The following PLXDC2 variants were observed in gnomAD, a reference collection of about 807,000 sequenced individuals.
The protein encoded by PLXDC2 is plexin domain-containing protein 2.
Under a neutral mutation model 68.9 loss-of-function variants are expected in PLXDC2, and 40 were observed. The observed-to-expected ratio is 0.58, with a 90% CI of 0.45 to 0.76. The LOEUF is 0.76. PLXDC2 is among the 30% of genes least tolerant of loss of function. The pLI is 0.00. For synonymous variants in PLXDC2, 243 were observed against 234.2 expected, an observed-to-expected ratio of 1.04 and a Z score of -0.34; for missense variants, 644 against 661.9, an observed-to-expected ratio of 0.97 and a Z score of 0.30.
At chr10:19,855,862 G>T (rs2131330422) in intron 1 of PLXDC2, among the ~76,000 whole-genome samples, 1 of 152,288 alleles carries the variant, frequency 6.6e-6, no homozygotes, top group South Asian at 2.1e-4. Flanking sequence ...AAGGCAGGCA[G>T]ATCATGAAGT....
intron 1 of PLXDC2, among the ~76,000 whole-genome samples, chr10:19,957,905 T>A (rs1834096858): frequency 6.6e-6 from 1 of 152,140 alleles, no homozygotes; most frequent in Non-Finnish European, 1.5e-5. Context: ...GTTTCAGTTT[T>A]ATGCAGTCTA....
At chr10:20,172,177 G>C (rs187077922) in intron 7 of PLXDC2, among the ~76,000 whole-genome samples, 1 of 141,164 alleles carries the variant, frequency 7.1e-6, no homozygotes, top group East Asian at 2.2e-4. Context: ...TGTTTTCTGA[G>C]ACCCAACACA....
chr10:19,915,527 T>C (rs1405635337), intron 1 of PLXDC2, among the ~76,000 whole-genome samples: 1 of 152,144 alleles, frequency 6.6e-6, no homozygotes, highest in African/African-American at 2.4e-5. Context: ...AGAAAATGAG[T>C]AGTGTATTTT....
chr10:19,938,519 G>A (rs933758816), intron 1 of PLXDC2, among the ~76,000 whole-genome samples: 1 of 152,124 alleles, frequency 6.6e-6, no homozygotes, highest in Admixed American at 6.6e-5. Flanking sequence ...TTGGCGGGGG[G>A]CTATACAATT....
intron 12 of PLXDC2, among the ~76,000 whole-genome samples, chr10:20,242,127 A>G (rs1402845193): frequency 6.6e-6 from 1 of 152,212 alleles, no homozygotes; most frequent in Non-Finnish European, 1.5e-5. Flanking sequence ...CCACATTTTC[A>G]ATTAATCCTA....
chr10:19,836,505 G>A (rs1452507177), intron 1 of PLXDC2, among the ~76,000 whole-genome samples: 4 of 152,146 alleles, frequency 2.6e-5, no homozygotes, highest in South Asian at 4.1e-4. Context: ...ATGATATCAC[G>A]TTTTATGTAA....
In PLXDC2 at chr10:20,280,110, T is replaced by C; in HGVS notation, c.*291T>C. On this transcript the variant is annotated 3_prime_UTR_variant, in exon 14 of 14. Coordinates refer to ENST00000377252, the MANE Select transcript of PLXDC2 (RefSeq NM_032812.9). ...ACTTATCTGAAGTATGACAAGATTATAATGCTTTTGGCTTAGGTGCAGGGT... is the reference window on the plus strand; with the variant it reads ...ACTTATCTGAAGTATGACAAGATTACAATGCTTTTGGCTTAGGTGCAGGGT... The C allele has an allele frequency of 3.5e-6, 1 of 286,596 alleles. No homozygotes were observed. 17.8% of individuals were successfully genotyped at this position (286,596 alleles called of 1,614,324 possible).
At chr10:20,152,226 G>T (rs1261378285) in intron 6 of PLXDC2, among the ~76,000 whole-genome samples, 1 of 152,058 alleles carries the variant, frequency 6.6e-6, no homozygotes, top group Non-Finnish European at 1.5e-5. Flanking sequence ...TAACAATCTT[G>T]CTTATAGTGG....
At chr10:19,945,839 T>C (rs1833892286) in intron 1 of PLXDC2, among the ~76,000 whole-genome samples, 1 of 152,184 alleles carries the variant, frequency 6.6e-6, no homozygotes, top group Admixed American at 6.5e-5. Flanking sequence ...CCCAGTTCAC[T>C]CCAATCAGAT....
chr10:20,270,081 G>A (rs983429268), intron 13 of PLXDC2, among the ~76,000 whole-genome samples: 11 of 152,014 alleles, frequency 7.2e-5, no homozygotes, highest in Non-Finnish European at 8.8e-5. Flanking sequence ...TAAAATGGTT[G>A]TGGGGAAGGA....
intron 1 of PLXDC2, among the ~76,000 whole-genome samples, chr10:19,942,629 T>G (rs908880038): frequency 7.9e-5 from 12 of 152,166 alleles, no homozygotes; most frequent in Non-Finnish European, 1.5e-4. Context: ...CCGGGCATGG[T>G]GGCGTGTGCC....
At chr10:20,140,067 G>A (rs60480378) in intron 4 of PLXDC2, among the ~76,000 whole-genome samples, 2,797 of 152,192 alleles carry the variant, frequency 0.018, 90 homozygotes, top group African/African-American at 0.065. Flanking sequence ...TTGGGAGGCC[G>A]AGGCAGACAG....
At chr10:19,898,759 T>A (rs564205795) in intron 1 of PLXDC2, among the ~76,000 whole-genome samples, 1 of 152,320 alleles carries the variant, frequency 6.6e-6, no homozygotes, top group African/African-American at 2.4e-5. Flanking sequence ...CCCATAGACG[T>A]GTTTGACCTA....
At chr10:20,074,766 CCAA>C (rs775288267) in intron 4 of PLXDC2, among the ~76,000 whole-genome samples, 9 of 152,070 alleles carry the variant, frequency 5.9e-5, no homozygotes, top group African/African-American at 1.4e-4. Context: ...TTTGTAAATA[CCAA>C]CAACATCTTC....
At chr10:20,253,987 C>T (rs1240389758) in intron 13 of PLXDC2, among the ~76,000 whole-genome samples, 1 of 152,098 alleles carries the variant, frequency 6.6e-6, no homozygotes, top group Non-Finnish European at 1.5e-5. Context: ...TTGTTGGAGT[C>T]AAGTCCAAGG....
intron 4 of PLXDC2, among the ~76,000 whole-genome samples, chr10:20,135,718 GCTGATAACAGAGTTGTCA>G (rs1222464581): frequency 2.0e-5 from 3 of 152,166 alleles, no homozygotes; most frequent in Non-Finnish European, 4.4e-5. Context: ...ATAATTTGCA[GCTGATAACAGAGTTGTCA>G]CTTGTTGCTT....
chr10:20,200,551 C>T (rs551097525), intron 9 of PLXDC2, among the ~76,000 whole-genome samples: 3 of 151,502 alleles, frequency 2.0e-5, no homozygotes, highest in East Asian at 1.9e-4. Context: ...TTGCAACAAA[C>T]GAAAAAGCTT....
chr10:20,096,155 GTGTGACCTTTCAAAGGTCTTTCCACTC>G (rs1382512979), intron 4 of PLXDC2, among the ~76,000 whole-genome samples: 1 of 152,146 alleles, frequency 6.6e-6, no homozygotes, highest in Non-Finnish European at 1.5e-5. Context: ...GGAGGGCACG[GTGTGACCTTTCAAAGGTCTTTCCACTC>G]TGTTTCTTGT....
chr10:20,242,736 A>G (rs1835533300), intron 12 of PLXDC2, among the ~76,000 whole-genome samples: 1 of 152,110 alleles, frequency 6.6e-6, no homozygotes, highest in Non-Finnish European at 1.5e-5. Flanking sequence ...TATGAGGTGG[A>G]GTCTCGCTCT....
Sources: gnomAD v4.1 joint callset for allele counts (sites outside exome capture counted in the v4.1 genomes callset) on GRCh38, gnomAD v4.1.1 for gene constraint, MANE v1.5 for transcripts, NCBI Gene and HGNC (gene_info 2026-07-23, HGNC 2026-07-21) for gene names.